SLC12A7: variants seen among roughly 807,000 people sequenced by gnomAD.
The protein encoded by SLC12A7 is K-Cl cotransporter 4.
SLC12A7 carries 100 observed loss-of-function variants against 120.6 expected under a neutral mutation model. That is an observed-to-expected ratio of 0.83 (90% CI 0.71 to 0.98). The LOEUF (loss-of-function observed/expected upper bound fraction) is 0.98, where lower values mean the gene tolerates loss of function less well. SLC12A7 is among the 50% of genes least tolerant of loss of function. SLC12A7 has a pLI of 0.00. For synonymous variants in SLC12A7, 760 were observed against 678.0 expected (o/e 1.12, Z -1.88); for missense variants, 1,373 against 1,548.1 (o/e 0.89, Z 1.90).
intron 1 of SLC12A7, among the ~76,000 whole-genome samples, chr5:1,103,949 G>A (rs753695495): frequency 9.9e-5 from 15 of 152,220 alleles, no homozygotes; most frequent in Non-Finnish European, 1.5e-4. Flanking sequence ...CCAGAGACTC[G>A]GGGCCCAGGC....
At chr5:1,131,373 G>C in the SLC12A7 span, among the ~76,000 whole-genome samples, 1 of 152,212 alleles carries the variant, frequency 6.6e-6, no homozygotes, top group African/African-American at 2.4e-5. Flanking sequence ...GCTGCTGAAG[G>C]GTGTGGGGGA....
chr5:1,120,823 G>A, the SLC12A7 span, among the ~76,000 whole-genome samples: 2 of 152,176 alleles, frequency 1.3e-5, no homozygotes, highest in Non-Finnish European at 2.9e-5. Context: ...GGGCAGGCAG[G>A]ACTCACCCTG....
rs557289613 is a variant in SLC12A7 at position 1,084,588 on chromosome 5, C to T, written c.918-632G>A. ...CAAGCATCGGCAGGGGGTCTCAGGACGGGTCCCCGAGGGGGAGGGCAGCTG... is the reference window on the plus strand; with the variant it reads ...CAAGCATCGGCAGGGGGTCTCAGGATGGGTCCCCGAGGGGGAGGGCAGCTG... On this transcript the variant is annotated intron_variant, in intron 7 of 23. Transcript: ENST00000264930. 6.3e-4 allele frequency among the ~76,000 whole-genome samples: 96 copies of T among 152,322 alleles called. 1 individual carries two copies. Among genetic ancestry groups the T allele is most frequent in the Non-Finnish European group, 9.6e-4 (65 of 68,010 alleles).
At chr5:1,134,195 C>T in the SLC12A7 span, among the ~76,000 whole-genome samples, 5 of 152,148 alleles carry the variant, frequency 3.3e-5, no homozygotes, top group Admixed American at 6.5e-5. Flanking sequence ...CTTGGCTGGG[C>T]GCGGTGGCTC....
chr5:1,102,908 C>G (rs1742155340), intron 1 of SLC12A7, among the ~76,000 whole-genome samples: 1 of 152,162 alleles, frequency 6.6e-6, no homozygotes, highest in African/African-American at 2.4e-5. Context: ...AGGCTGAGTT[C>G]CCTGTGAAGG....
chr5:1,073,614 C>G lies in SLC12A7; in HGVS notation c.2241+19G>C. On this transcript the variant is annotated intron_variant, in intron 17 of 23. Transcript: ENST00000264930. ...TGGGGTGGGAAAGAGGCCTGGCCCC[C>G]AGACCCCGCCCGGCCCACCTCCTCG... 1 of 1,592,312 alleles carries G rather than the reference C, an allele frequency of 6.3e-7. No homozygotes were observed. Among genetic ancestry groups the G allele is most frequent in the East Asian group, 2.3e-5 (1 of 43,208 alleles).
intron 20 of SLC12A7, 89 bp from the exon 21 acceptor site, chr5:1,060,540 C>G (rs1012509660): frequency 1.0e-6 from 1 of 957,736 alleles, no homozygotes. Context: ...GACCGAGCCG[C>G]CCTGAGCGGT....
the SLC12A7 span, among the ~76,000 whole-genome samples, chr5:1,141,068 G>A: frequency 2.0e-5 from 3 of 152,218 alleles, no homozygotes; most frequent in East Asian, 5.8e-4. Flanking sequence ...CCACAGACAC[G>A]TCTCGAAGCC....
chr5:1,097,111 C>T (rs909603551), intron 1 of SLC12A7, among the ~76,000 whole-genome samples: 1 of 152,318 alleles, frequency 6.6e-6, no homozygotes, highest in South Asian at 2.1e-4. Context: ...GCTCCGCTGC[C>T]CGGCCTACAT....
chr5:1,060,581 G>GCC, intron 20 of SLC12A7, 130 bp from the exon 21 acceptor site: 1 of 666,310 alleles, frequency 1.5e-6, no homozygotes, highest in Non-Finnish European at 2.6e-6. Context: ...GGCCCCACAG[G>GCC]CCCCCTCTGG....
chr5:1,127,382 G>T, the SLC12A7 span, among the ~76,000 whole-genome samples: 10 of 152,258 alleles, frequency 6.6e-5, no homozygotes, highest in Non-Finnish European at 1.0e-4. Flanking sequence ...CACAGAGATG[G>T]AGGCAGAGGC....
intron 3 of SLC12A7, among the ~76,000 whole-genome samples, chr5:1,089,456 C>T (rs565010993): frequency 1.8e-4 from 27 of 152,166 alleles, no homozygotes; most frequent in African/African-American, 5.1e-4. Flanking sequence ...AGAGGGCCCC[C>T]GGCTCCGTTC....
intron 18 of SLC12A7, among the ~76,000 whole-genome samples, chr5:1,064,925 TG>T (rs1736833477): frequency 1.2e-5 from 1 of 85,056 alleles, no homozygotes; most frequent in African/African-American, 5.0e-5. Flanking sequence ...GAGGAGATGG[TG>T]AGGGGACAGT....
the SLC12A7 span, among the ~76,000 whole-genome samples, chr5:1,143,530 T>G: frequency 6.6e-6 from 1 of 152,170 alleles, no homozygotes; most frequent in South Asian, 2.1e-4. Flanking sequence ...CATTTAACCT[T>G]AAGTCCCTCC....
the SLC12A7 span, among the ~76,000 whole-genome samples, chr5:1,138,334 G>A: frequency 6.6e-6 from 1 of 152,140 alleles, no homozygotes; most frequent in Non-Finnish European, 1.5e-5. Context: ...CCATTTTACA[G>A]AACACTGATT....
the SLC12A7 span, among the ~76,000 whole-genome samples, chr5:1,123,026 C>T: frequency 6.6e-6 from 1 of 152,230 alleles, no homozygotes; most frequent in Non-Finnish European, 1.5e-5. Context: ...TGTCCTGTTA[C>T]CTGGGGTGGC....
the SLC12A7 span, among the ~76,000 whole-genome samples, chr5:1,131,483 C>A: frequency 1.3e-5 from 2 of 152,218 alleles, no homozygotes; most frequent in African/African-American, 4.8e-5. Context: ...GCCACGCTGT[C>A]GGAAGCAGGC....
the SLC12A7 span, among the ~76,000 whole-genome samples, chr5:1,122,317 C>T: frequency 2.6e-5 from 4 of 152,208 alleles, no homozygotes; most frequent in Middle Eastern, 6.8e-3. Flanking sequence ...CACCAGAATC[C>T]GGGCAGTGGG....
At chr5:1,136,831 G>T in the SLC12A7 span, among the ~76,000 whole-genome samples, 1 of 132,356 alleles carries the variant, frequency 7.6e-6, no homozygotes, top group Non-Finnish European at 1.6e-5. Context: ...ACCAGGACAC[G>T]CAGGCACACA....
Sources: allele counts gnomAD v4.1 joint callset (sites outside exome capture counted in the v4.1 genomes callset), GRCh38; gene constraint gnomAD v4.1.1; transcripts MANE v1.5; gene names NCBI Gene and HGNC (gene_info 2026-07-23, HGNC 2026-07-21).